ACSBG2: variants seen among roughly 807,000 people sequenced by gnomAD.
The protein encoded by ACSBG2 is long-chain-fatty-acid--CoA ligase ACSBG2.
A neutral mutation model predicts 74.7 loss-of-function variants in ACSBG2; 62 were observed. The observed-to-expected ratio is 0.83, with a 90% confidence interval of 0.68 to 1.03. The LOEUF (loss-of-function observed/expected upper bound fraction) is 1.03, where lower values mean the gene tolerates loss of function less well. Among genes scored for constraint, ACSBG2 ranks in the 50% least tolerant of loss-of-function variants. ACSBG2 has a pLI of 0.00. For synonymous variants in ACSBG2, 309 were observed against 294.1 expected (o/e 1.05, Z -0.52); for missense variants, 730 against 817.6 (o/e 0.89, Z 1.31).
At position 6,182,778 on chromosome 19, in the gene ACSBG2, G is replaced by A. The variant is rs1319870726; in HGVS notation, c.934G>A (p.Val312Ile). 6 of 1,614,182 alleles carry A rather than the reference G, an allele frequency of 3.7e-6. No homozygotes were observed. The highest frequency in any genetic ancestry group is 1.3e-5 in the African/African-American group (1 of 75,050). ...KGTLVSTLKE[V>I]KPTVFIGVPQ... is the part of the protein sequence containing the mutation. ...CACCTTGGTAAGTACTCTAAAGGAG[G>A]TAAAACCTACTGTCTTCATTGGAGT... is the stretch of plus-strand genomic sequence containing the variant. Residue 312 changes from valine to isoleucine, a missense_variant, in exon 9 of 15, where the codon GTA becomes ATA. Physicochemically the swap from Val to Ile is conservative, Grantham distance 29. Transcript: ENST00000588485.
chr19:6,187,090 C>T (rs1035894738), intron 11 of ACSBG2, among the ~76,000 whole-genome samples, 193 bp from the exon 12 acceptor site: 6 of 151,162 alleles, frequency 4.0e-5, no homozygotes, highest in East Asian at 1.9e-4. Context: ...CTGCAACCTC[C>T]GCCTCCCAGG....
At chr19:6,185,334 T>C in intron 10 of ACSBG2, 102 bp from the exon 11 acceptor site, 1 of 1,160,488 alleles carries the variant, frequency 8.6e-7, no homozygotes, top group Non-Finnish European at 1.3e-6. Flanking sequence ...CAGCCTGCTC[T>C]AGCTGAGCAG....
chr19:6,162,264 CAAAAAA>C (rs57505930), intron 6 of ACSBG2, among the ~76,000 whole-genome samples: 2 of 62,894 alleles, frequency 3.2e-5, no homozygotes, highest in Non-Finnish European at 5.6e-5. Context: ...GACTCTGTCT[CAAAAAA>C]AAAAAAAAAA....
intron 4 of ACSBG2, among the ~76,000 whole-genome samples, chr19:6,155,649 G>T (rs2089392107): frequency 6.6e-6 from 1 of 151,980 alleles, no homozygotes; most frequent in African/African-American, 2.4e-5. Flanking sequence ...AATTAGCCAG[G>T]TGTGGTGGTG....
In ACSBG2 at chr19:6,174,387, A is replaced by G. The variant is rs961929258; in HGVS notation, c.739-2842A>G. Among the ~76,000 whole-genome samples the G allele has an allele frequency of 1.5e-4, 23 of 152,218 alleles. No homozygotes were observed. The highest frequency in any genetic ancestry group is 3.4e-4 in the Non-Finnish European group (23 of 68,034). On this transcript the variant is annotated intron_variant, in intron 7 of 14. Coordinates refer to ENST00000588485, the MANE Select transcript of ACSBG2 (RefSeq NM_030924.5). The surrounding 1 kb of genome is among the most constrained non-coding windows in gnomAD (Gnocchi z 4.2). ...GGACCAATTCTGTCTCAAAGGAAAG[A>G]GAAACAAATTCCACCTCAGAATGGG...
In ACSBG2 at chr19:6,147,680, G is replaced by C. The variant is rs1182522521; in HGVS notation, c.297+5G>C. 5.0e-6 allele frequency: 8 copies of C among 1,608,606 alleles called. No individual in the cohort carries two copies. The highest frequency in any genetic ancestry group is 6.8e-6 in the Non-Finnish European group (8 of 1,174,938). On this transcript the variant is annotated splice_donor_5th_base_variant and intron_variant, in intron 3 of 14. Coordinates refer to ENST00000588485, the MANE Select transcript of ACSBG2 (RefSeq NM_030924.5). ...GCTGCAAAATCCTTGATCAAGGTAA[G>C]ATTCATTCATTCATTCTCCTTTGTT...
intron 2 of ACSBG2, among the ~76,000 whole-genome samples, chr19:6,146,435 A>T (rs1223577106): frequency 6.7e-6 from 1 of 148,514 alleles, no homozygotes; most frequent in Non-Finnish European, 1.5e-5. Context: ...ACGCCACTGC[A>T]CTCCAGCCTG....
chr19:6,184,860 A>AAAAAAAAAAAAAGAAAAAAAC (rs2090359282), intron 10 of ACSBG2, among the ~76,000 whole-genome samples: 1 of 142,270 alleles, frequency 7.0e-6, no homozygotes, highest in African/African-American at 2.7e-5. Context: ...AAAAAAAAAA[A>AAAAAAAAAAAAAGAAAAAAAC]AAAAAAAAAA....
intron 7 of ACSBG2, among the ~76,000 whole-genome samples, chr19:6,168,046 ATCC>A (rs1383622016): frequency 6.9e-6 from 1 of 145,142 alleles, no homozygotes; most frequent in Non-Finnish European, 1.5e-5. Context: ...TCAAGTCCCA[ATCC>A]TCCTCTGTCT....
rs556514050 is a variant in ACSBG2, at chr19:6,141,423, G to C, written c.-31-90G>C. The C allele has an allele frequency of 8.6e-6, 6 of 700,170 alleles. No individual in the cohort carries two copies. In the African/African-American group the frequency reaches 1.1e-4, roughly 12 times the overall value. The allele number at this position is 700,170 out of a possible 1,614,324, so 43.4% of individuals were successfully genotyped here. ...ATGACCAATGGATCCTAGGATTCTA[G>C]GCAGACATGACCAGTGGATGGAAGA... On this transcript the variant is annotated intron_variant, in intron 1 of 14. Transcript: ENST00000588485.
At chr19:6,149,026 G>A (rs2089141978) in intron 3 of ACSBG2, among the ~76,000 whole-genome samples, 1 of 152,114 alleles carries the variant, frequency 6.6e-6, no homozygotes, top group Non-Finnish European at 1.5e-5. Flanking sequence ...AGAATCGCTT[G>A]AACCCGGGAG....
intron 14 of ACSBG2, chr19:6,192,071 C>CAAAAAAAAAAA (rs397859531): frequency 5.9e-4 from 34 of 57,446 alleles, no homozygotes; most frequent in Middle Eastern, 0.012. Context: ...AGCACAGCAC[C>CAAAAAAAAAAA]AAAAAAAAAA....
chr19:6,169,944 T>C (rs1276700627), intron 7 of ACSBG2, among the ~76,000 whole-genome samples: 1 of 152,234 alleles, frequency 6.6e-6, no homozygotes, highest in Non-Finnish European at 1.5e-5. Flanking sequence ...CCTGAAACTT[T>C]ATTGAAGTCA....
At chr19:6,189,008 G>T (rs771671981) in intron 13 of ACSBG2, among the ~76,000 whole-genome samples, 21 of 150,512 alleles carry the variant, frequency 1.4e-4, no homozygotes, top group Admixed American at 9.9e-4. Context: ...TGGGTTTTTT[G>T]TGTGTGTGTG....
intron 7 of ACSBG2, chr19:6,176,047 C>T: frequency 3.6e-6 from 1 of 274,066 alleles, no homozygotes; most frequent in Admixed American, 5.3e-5. Context: ...AGGAAGTCTG[C>T]AACCTCCCTA....
At chr19:6,190,314 C>A in intron 13 of ACSBG2, 1 of 393,468 alleles carries the variant, frequency 2.5e-6, no homozygotes, top group South Asian at 2.7e-5. Flanking sequence ...TGATGATATC[C>A]CTCCTCCATT....
chr19:6,154,833 G>A (rs1299226901), intron 4 of ACSBG2, among the ~76,000 whole-genome samples: 1 of 152,088 alleles, frequency 6.6e-6, no homozygotes, highest in Non-Finnish European at 1.5e-5. Flanking sequence ...TTAATGAAGA[G>A]ATCTGTCCCC....
intron 1 of ACSBG2, among the ~76,000 whole-genome samples, chr19:6,138,816 A>C (rs2088704598): frequency 6.7e-6 from 1 of 149,774 alleles, no homozygotes; most frequent in African/African-American, 2.5e-5. Context: ...GAAGAAGCAA[A>C]GGGAGGAAGG....
intron 13 of ACSBG2, among the ~76,000 whole-genome samples, chr19:6,189,304 GTA>G (rs1411589077): frequency 6.6e-6 from 1 of 152,148 alleles, no homozygotes; most frequent in Non-Finnish European, 1.5e-5. Flanking sequence ...ATTAGTCTCT[GTA>G]TGTTTTATTT....
Sources: allele counts gnomAD v4.1 joint callset (sites outside exome capture counted in the v4.1 genomes callset), GRCh38; gene constraint gnomAD v4.1.1; non-coding constraint Gnocchi (gnomAD v3.1); transcripts MANE v1.5; gene names NCBI Gene and HGNC (gene_info 2026-07-23, HGNC 2026-07-21).